RNLS: variants seen among roughly 807,000 people sequenced by gnomAD.
RNLS encodes the protein renalase.
A neutral mutation model predicts 39.8 loss-of-function variants in RNLS; 39 were observed. That is an observed-to-expected ratio of 0.98 (90% CI 0.76 to 1.28). The LOEUF (loss-of-function observed/expected upper bound fraction) is 1.28. Among genes scored for constraint, RNLS ranks in the 50% most tolerant of loss-of-function variants. The pLI, the probability that RNLS is intolerant of heterozygous loss-of-function variation, is 0.00. For synonymous variants in RNLS, 147 were observed against 150.7 expected, an observed-to-expected ratio of 0.98 and a Z score of 0.18; for missense variants, 410 against 413.3, an observed-to-expected ratio of 0.99 and a Z score of 0.07.
At chr10:88,354,408 C>T (rs925325505) in intron 5 of RNLS, among the ~76,000 whole-genome samples, 2 of 152,074 alleles carry the variant, frequency 1.3e-5, no homozygotes, top group African/African-American at 4.8e-5. Context: ...TAGGGCAGGC[C>T]TGGTGGTGAC....
chr10:88,359,727 C>T lies in RNLS; in HGVS notation c.700+2825G>A, dbSNP rs538080580. 5.3e-5 allele frequency among the ~76,000 whole-genome samples: 8 copies of T among 152,312 alleles called. No homozygotes were observed. The East Asian group carries it at 1.3e-3, about 26-fold the overall frequency. ...TTCTATTATTTCAAATGCTTCCAATCATGAGATAATTTATTAATATTTTAT... is the reference window on the plus strand; with the variant it reads ...TTCTATTATTTCAAATGCTTCCAATTATGAGATAATTTATTAATATTTTAT... On this transcript the variant is annotated intron_variant, in intron 5 of 6. Transcript: ENST00000331772.
chr10:88,512,378 G>T (rs1395111556), intron 4 of RNLS, among the ~76,000 whole-genome samples: 1 of 151,950 alleles, frequency 6.6e-6, no homozygotes, highest in African/African-American at 2.4e-5. Context: ...CTTCTTCATA[G>T]GTCTATAAAA....
Position 88,568,599 on chromosome 10 carries a change from A to C in RNLS, c.526+4304T>G, listed in dbSNP as rs1397597451. On this transcript the variant is annotated intron_variant, in intron 4 of 6. Transcript: ENST00000331772. ...GGAAGAGGTGAGCCAAGAGGTCCCA[A>C]GCAGGGAAGAGCATAAGACAGAGAC... Among the ~76,000 whole-genome samples, 18 of 151,994 alleles carry C rather than the reference A, an allele frequency of 1.2e-4. 1 individual carries two copies. Among genetic ancestry groups the C allele is most frequent in the South Asian group, 8.3e-4 (4 of 4,828 alleles).
intron 4 of RNLS, among the ~76,000 whole-genome samples, chr10:88,475,178 G>A (rs1843738848): frequency 6.6e-6 from 1 of 152,124 alleles, no homozygotes; most frequent in African/African-American, 2.4e-5. Context: ...GTATGAAGCT[G>A]TTTTTACACA....
At chr10:88,387,918 CATAGAT>C (rs928550809) in intron 4 of RNLS, among the ~76,000 whole-genome samples, 7 of 152,126 alleles carry the variant, frequency 4.6e-5, no homozygotes, top group African/African-American at 1.7e-4. Context: ...ACCTTGAAAA[CATAGAT>C]ATAGGAAACA....
chr10:88,469,836 T>TGG (rs1373975737), intron 4 of RNLS, among the ~76,000 whole-genome samples: 2 of 151,276 alleles, frequency 1.3e-5, no homozygotes, highest in African/African-American at 4.9e-5. Flanking sequence ...TGTGTGTGTG[T>TGG]GTGTGTGTGT....
At chr10:88,466,120 C>A (rs1843190513) in intron 4 of RNLS, among the ~76,000 whole-genome samples, 1 of 151,952 alleles carries the variant, frequency 6.6e-6, no homozygotes, top group Admixed American at 6.6e-5. Flanking sequence ...AGATGGGATG[C>A]CAGGGAGAGA....
At chr10:88,531,581 C>T (rs1847426232) in intron 4 of RNLS, among the ~76,000 whole-genome samples, 1 of 151,862 alleles carries the variant, frequency 6.6e-6, no homozygotes, top group African/African-American at 2.4e-5. Context: ...ATCTCAGCAC[C>T]ACTCAATCAT....
In RNLS at chr10:88,410,275, C is replaced by T. The variant is rs1430911199; in HGVS notation, c.527-47550G>A. Among the ~76,000 whole-genome samples the T allele has an allele frequency of 6.6e-5, 10 of 152,134 alleles. No homozygotes were observed. In the South Asian group the frequency reaches 8.3e-4, roughly 13 times the overall value. ...AATTCAATCAGAGAATTTGAAATTT[C>T]GACCATAATTTAATATCAGAGTTAA... On this transcript the variant is annotated intron_variant, in intron 4 of 6. Coordinates refer to ENST00000331772, the MANE Select transcript of RNLS (RefSeq NM_001031709.3).
chr10:88,386,304 T>C (rs1851853097), intron 4 of RNLS, among the ~76,000 whole-genome samples: 1 of 152,170 alleles, frequency 6.6e-6, no homozygotes, highest in African/African-American at 2.4e-5. Flanking sequence ...AGAGTATTTT[T>C]TTTTCCTTGA....
intron 4 of RNLS, among the ~76,000 whole-genome samples, chr10:88,519,243 C>A (rs1414732536): frequency 6.6e-6 from 1 of 151,926 alleles, no homozygotes; most frequent in Non-Finnish European, 1.5e-5. Flanking sequence ...TTATAAGCAT[C>A]TTCCTGATTG....
intron 4 of RNLS, among the ~76,000 whole-genome samples, chr10:88,528,078 C>A (rs1847212272): frequency 6.6e-6 from 1 of 150,818 alleles, no homozygotes; most frequent in South Asian, 2.1e-4. Context: ...AAAAAATATT[C>A]AGAAAAGAAA....
the RNLS span, among the ~76,000 whole-genome samples, chr10:88,191,580 C>T: frequency 6.6e-6 from 1 of 152,050 alleles, no homozygotes; most frequent in Non-Finnish European, 1.5e-5. Context: ...TTAAAGAAAC[C>T]AAATGCAGGG....
intron 4 of RNLS, among the ~76,000 whole-genome samples, chr10:88,377,239 TATACACACACACAC>T (rs1342481663): frequency 1.9e-5 from 2 of 107,362 alleles, no homozygotes; most frequent in African/African-American, 5.4e-5. Context: ...TACACACACA[TATACACACACACAC>T]ACACACGCAC....
intron 4 of RNLS, among the ~76,000 whole-genome samples, chr10:88,417,776 T>A (rs1341254436): frequency 6.6e-6 from 1 of 152,220 alleles, no homozygotes; most frequent in Non-Finnish European, 1.5e-5. Context: ...GCTTAGGACA[T>A]CAGCAAGTTA....
At chr10:88,498,988 G>A (rs899856804) in intron 4 of RNLS, among the ~76,000 whole-genome samples, 18 of 152,140 alleles carry the variant, frequency 1.2e-4, no homozygotes, top group African/African-American at 4.3e-4. Flanking sequence ...AAGACATTTT[G>A]AGAGAAGTGG....
At chr10:88,273,694 C>A (rs2132580869), downstream of RNLS, among the ~76,000 whole-genome samples, 1 of 152,226 alleles carries the variant, frequency 6.6e-6, no homozygotes, top group South Asian at 2.1e-4. Flanking sequence ...AAGCCAGACT[C>A]CTAGATGAAA....
chr10:88,295,634 G>A (rs549365938), intron 6 of RNLS, among the ~76,000 whole-genome samples: 1 of 152,230 alleles, frequency 6.6e-6, no homozygotes, highest in East Asian at 1.9e-4. Context: ...TAGGTGTGAA[G>A]AAAGCAATGT....
intron 6 of RNLS, among the ~76,000 whole-genome samples, chr10:88,307,512 C>T (rs1845010472): frequency 6.6e-6 from 1 of 152,158 alleles, no homozygotes; most frequent in South Asian, 2.1e-4. Flanking sequence ...CACTAAATCA[C>T]TAACATTCCT....
Sources: allele counts gnomAD v4.1 joint callset (sites outside exome capture counted in the v4.1 genomes callset), GRCh38; gene constraint gnomAD v4.1.1; transcripts MANE v1.5; gene names NCBI Gene and HGNC (gene_info 2026-07-23, HGNC 2026-07-21).